PCDHA6: variants seen among roughly 807,000 people sequenced by gnomAD.
PCDHA6 encodes protocadherin alpha 6, also known as protocadherin alpha-6.
A neutral mutation model predicts 60.3 loss-of-function variants in PCDHA6; 55 were observed. The ratio of observed to expected loss-of-function variants is 0.91; its 90% CI spans 0.73 to 1.14. The LOEUF is 1.14. Among genes scored for constraint, PCDHA6 ranks in the 50% most tolerant of loss-of-function variants. The pLI is 0.00. For synonymous variants in PCDHA6, 652 were observed against 557.9 expected (o/e 1.17, Z -2.38); for missense variants, 1,327 against 1,256.5 (o/e 1.06, Z -0.85).
At chr5:140,923,151 T>A (rs1239888412) in intron 1 of PCDHA6, among the ~76,000 whole-genome samples, 3 of 152,108 alleles carry the variant, frequency 2.0e-5, no homozygotes, top group Non-Finnish European at 4.4e-5. Context: ...ATAAAAAAAA[T>A]TATAGAAAGA....
chr5:140,864,489 A>C (rs1194272327), intron 1 of PCDHA6: 1 of 152,184 alleles, frequency 6.6e-6, no homozygotes, highest in Admixed American at 6.5e-5. Flanking sequence ...CAGTGGGTGG[A>C]ATTTTAGCCT....
rs35184029 is a variant in PCDHA6 at position 140,997,668 on chromosome 5, TTGTGTG to T, written c.2543-11935_2543-11930del. Among the ~76,000 whole-genome samples the T allele has an allele frequency of 3.7e-4, 55 of 148,336 alleles. 1 individual carries two copies. The South Asian group carries it at 5.8e-3, about 16-fold the overall frequency. On this transcript the variant is annotated intron_variant, in intron 3 of 3. Coordinates refer to ENST00000529310, the MANE Select transcript of PCDHA6 (RefSeq NM_018909.4). ...AATGCAATATGTATTATTATACAGC[TTGTGTG>T]TGTGTGTGTGTGTGTGTGTGTGTAT...
chr5:140,982,701 T>C, intron 3 of PCDHA6, 138 bp downstream of exon 3: 1 of 1,383,086 alleles, frequency 7.2e-7, no homozygotes, highest in South Asian at 1.6e-5. Flanking sequence ...CATACATGAT[T>C]TCCTTACATA....
At chr5:140,899,443 G>A (rs1554188558) in intron 1 of PCDHA6, among the ~76,000 whole-genome samples, 4 of 152,210 alleles carry the variant, frequency 2.6e-5, no homozygotes, top group African/African-American at 9.7e-5. Context: ...CATCTATTGA[G>A]ATAATCATGT....
intron 1 of PCDHA6, chr5:140,869,477 A>C: frequency 6.2e-7 from 1 of 1,614,208 alleles, no homozygotes; most frequent in South Asian, 1.1e-5. Context: ...GAGGTGAAGG[A>C]CATTAACGAC....
intron 1 of PCDHA6, among the ~76,000 whole-genome samples, chr5:140,855,001 A>G (rs1315198457): frequency 1.3e-4 from 20 of 149,948 alleles, no homozygotes; most frequent in Admixed American, 1.2e-3. Context: ...CCCGTGTAAG[A>G]TATTATAAAA....
chr5:140,882,777 A>G (rs2059309071), intron 1 of PCDHA6: 1 of 1,614,096 alleles, frequency 6.2e-7, no homozygotes, highest in Non-Finnish European at 8.5e-7. Context: ...GCATTGACCT[A>G]CCGACTGGAT....
rs2150235080 is a variant in PCDHA6, at chr5:140,835,409, T to C, written c.2394+4924T>C. The C allele has an allele frequency of 2.5e-6, 4 of 1,613,874 alleles. No individual in the cohort carries two copies. In the East Asian group the frequency reaches 8.9e-5, roughly 36 times the overall value. On this transcript the variant is annotated intron_variant, in intron 1 of 3. Coordinates refer to ENST00000529310, the MANE Select transcript of PCDHA6 (RefSeq NM_018909.4). ...GTACAGTTCTTGTGGAAGTTGTGGA[T>C]GTAAATGACAATGCTCCACAGTTGA...
intron 3 of PCDHA6, among the ~76,000 whole-genome samples, chr5:141,005,306 C>T (rs1563689503): frequency 6.6e-6 from 1 of 152,158 alleles, no homozygotes; most frequent in Non-Finnish European, 1.5e-5. Context: ...CTTTGTGAAT[C>T]TTACAGTGGT....
At chr5:140,878,993 G>A (rs369200128) in intron 1 of PCDHA6, among the ~76,000 whole-genome samples, 70 of 152,306 alleles carry the variant, frequency 4.6e-4, no homozygotes, top group African/African-American at 1.7e-3. Context: ...AGAAATGAGA[G>A]TATGCCCTAG....
intron 1 of PCDHA6, chr5:140,869,468 A>T (rs1221686748): frequency 1.9e-5 from 31 of 1,614,054 alleles, no homozygotes; most frequent in Non-Finnish European, 2.6e-5. Flanking sequence ...GTGAACGTGG[A>T]GGTGAAGGAC....
At chr5:140,923,971 A>G (rs557891257) in intron 1 of PCDHA6, among the ~76,000 whole-genome samples, 2 of 152,330 alleles carry the variant, frequency 1.3e-5, no homozygotes, top group East Asian at 3.9e-4. Flanking sequence ...ATACCCACAC[A>G]TACTATCCCT....
At chr5:140,849,513 G>A (rs2150439555) in intron 1 of PCDHA6, 1 of 1,597,076 alleles carries the variant, frequency 6.3e-7, no homozygotes, top group Non-Finnish European at 8.6e-7. Context: ...TCTTGTGGAA[G>A]TTGTGGATGT....
chr5:140,928,223 A>G (rs2085050678), intron 1 of PCDHA6: 1 of 1,614,178 alleles, frequency 6.2e-7, no homozygotes. Flanking sequence ...AATACACCAA[A>G]CTTTCCTCAA....
chr5:140,923,245 G>T (rs1584300888), intron 1 of PCDHA6, among the ~76,000 whole-genome samples: 3 of 152,190 alleles, frequency 2.0e-5, no homozygotes, highest in East Asian at 1.9e-4. Context: ...TTTGAGACCA[G>T]CTGGGCAACA....
rs10076265 is a variant in PCDHA6 at position 140,884,506 on chromosome 5, G to A, written c.2394+54021G>A. 61 of 1,614,172 alleles carry A rather than the reference G, an allele frequency of 3.8e-5. No homozygotes were observed. In the South Asian group the frequency reaches 5.9e-4, roughly 16 times the overall value. ...CTCTAGTGTGCTCCAGCGCGGCAGG[G>A]AGTTGGTCGTACTCGCAGCAGAGGC... On this transcript the variant is annotated intron_variant, in intron 1 of 3. Transcript: ENST00000529310.
At chr5:140,904,064 G>C (rs1238949756) in intron 1 of PCDHA6, among the ~76,000 whole-genome samples, 2 of 151,906 alleles carry the variant, frequency 1.3e-5, no homozygotes, top group Non-Finnish European at 2.9e-5. Context: ...TGGGTTTTTG[G>C]GGAACAGTAT....
At chr5:140,973,068 G>T (rs1563422416) in intron 1 of PCDHA6, among the ~76,000 whole-genome samples, 1 of 152,140 alleles carries the variant, frequency 6.6e-6, no homozygotes, top group Non-Finnish European at 1.5e-5. Context: ...CAGTGTCTCA[G>T]TGGGCCCAGC....
At chr5:140,852,575 C>G (rs913886842) in intron 1 of PCDHA6, 6 of 798,922 alleles carry the variant, frequency 7.5e-6, no homozygotes, top group African/African-American at 1.9e-5. Flanking sequence ...TGTGCCAAGG[C>G]TTTTTTATTT....
Sources: gnomAD v4.1 joint callset for allele counts (sites outside exome capture counted in the v4.1 genomes callset) on GRCh38, gnomAD v4.1.1 for gene constraint, MANE v1.5 for transcripts, NCBI Gene and HGNC (gene_info 2026-07-23, HGNC 2026-07-21) for gene names.